Variants in COL4A3 observed in about 807,000 individuals in gnomAD.
The protein encoded by COL4A3 is collagen alpha-3(IV) chain.
In COL4A3, 135 loss-of-function variants were observed where a neutral mutation model predicts 217.4. The observed-to-expected ratio is 0.62, with a 90% CI of 0.54 to 0.72. The LOEUF is 0.72. COL4A3 is among the 30% of genes least tolerant of loss of function. The pLI, the probability that COL4A3 is intolerant of heterozygous loss-of-function variation, is 0.00. For synonymous variants in COL4A3, 690 were observed against 736.3 expected, an observed-to-expected ratio of 0.94 and a Z score of 1.02; for missense variants, 1,868 against 2,119.9, an observed-to-expected ratio of 0.88 and a Z score of 2.33.
chr2:227,168,988 C>G (rs2065377754), intron 1 of COL4A3, among the ~76,000 whole-genome samples: 1 of 151,200 alleles, frequency 6.6e-6, no homozygotes. Flanking sequence ...GTGCTGCACC[C>G]ATTAACTCGT....
chr2:227,299,748 G>A (rs1373399038), intron 43 of COL4A3, among the ~76,000 whole-genome samples: 1 of 152,152 alleles, frequency 6.6e-6, no homozygotes, highest in African/African-American at 2.4e-5. Flanking sequence ...CTTCAGAGTT[G>A]GAATGATTTG....
intron 1 of COL4A3, among the ~76,000 whole-genome samples, chr2:227,231,822 G>A (rs75202997): frequency 0.013 from 2,039 of 151,158 alleles, 51 homozygotes; most frequent in African/African-American, 0.046. Context: ...GTGAACCCTC[G>A]TGCCTGGCTG....
intron 16 of COL4A3, 75 bp downstream of exon 16, chr2:227,256,145 A>G (rs2070155119): frequency 1.4e-6 from 2 of 1,439,798 alleles, no homozygotes; most frequent in Admixed American, 1.7e-5. Context: ...TTTTAAAATC[A>G]CTAAATAGTT....
chr2:227,242,524 T>TG (rs2069088034), intron 3 of COL4A3, among the ~76,000 whole-genome samples: 1 of 152,202 alleles, frequency 6.6e-6, no homozygotes, highest in African/African-American at 2.4e-5. Context: ...AGGGTGCAGC[T>TG]GGAGCTCAAA....
intron 13 of COL4A3, 76 bp from the exon 14 acceptor site, chr2:227,254,036 A>C (rs2069976000): frequency 7.5e-7 from 1 of 1,329,994 alleles, no homozygotes; most frequent in Non-Finnish European, 1.1e-6. Flanking sequence ...GAACAGATAG[A>C]GGATTTGTCC....
intron 34 of COL4A3, among the ~76,000 whole-genome samples, chr2:227,286,560 C>A (rs935327589): frequency 6.6e-6 from 1 of 152,094 alleles, no homozygotes; most frequent in African/African-American, 2.4e-5. Context: ...ATTTTACATA[C>A]GGGGAAATAG....
At chr2:227,227,714 GTAAGAT>G (rs1553745659) in intron 1 of COL4A3, 1 of 152,062 alleles carries the variant, frequency 6.6e-6, no homozygotes, top group Non-Finnish European at 1.5e-5. Flanking sequence ...CAGAATTGTT[GTAAGAT>G]ATAATGAGAT....
rs2106267279 is a variant in COL4A3, at chr2:227,303,023, T to A, written c.3883-15T>A. On this transcript the variant is annotated splice_polypyrimidine_tract_variant and intron_variant, in intron 43 of 51. Coordinates refer to ENST00000396578, the MANE Select transcript of COL4A3 (RefSeq NM_000091.5). ...AAAATTTGTTTTGGTTCTGCTCCCT[T>A]TATTTGAAATATAGGGAGCACCAGG... 6.3e-7 allele frequency: 1 copy of A among 1,588,718 alleles called. No individual in the cohort carries two copies. The highest frequency in any genetic ancestry group is 8.6e-7 in the Non-Finnish European group (1 of 1,156,804).
Position 227,270,617 on chromosome 2 carries a change from A to T in COL4A3, c.1576-153A>T, listed in dbSNP as rs188186170. ...TTGGAAGTTAACAACAAAGCAAAACAAACAAAATGCTTGTAATAATAGTTG... is the reference window on the plus strand; with the variant it reads ...TTGGAAGTTAACAACAAAGCAAAACTAACAAAATGCTTGTAATAATAGTTG... On this transcript the variant is annotated intron_variant, in intron 24 of 51. Coordinates refer to ENST00000396578, the MANE Select transcript of COL4A3 (RefSeq NM_000091.5). 3.7e-3 allele frequency among the ~76,000 whole-genome samples: 563 copies of T among 152,378 alleles called. 4 individuals carry two copies. Among genetic ancestry groups the T allele is most frequent in the African/African-American group, 0.012 (518 of 41,588 alleles).
At chr2:227,260,959 T>C (rs1201572762) in intron 19 of COL4A3, 123 bp from the exon 20 acceptor site, 2 of 786,622 alleles carry the variant, frequency 2.5e-6, no homozygotes, top group African/African-American at 1.7e-5. Flanking sequence ...TAGGTGAGAG[T>C]AGGAAAAAAG....
Position 227,244,887 on chromosome 2 carries a change from T to G in COL4A3, c.280-64T>G, listed in dbSNP as rs768140097. ...TCGCAATGGTAAATAAATTTATGTT[T>G]ATAGATTGAACATTTTTAAAGTTTT... On this transcript the variant is annotated intron_variant, in intron 4 of 51. Coordinates refer to ENST00000396578, the MANE Select transcript of COL4A3 (RefSeq NM_000091.5). 3 of 1,481,012 alleles carry G rather than the reference T, an allele frequency of 2.0e-6. No homozygotes were observed. In the South Asian group the frequency reaches 3.4e-5, roughly 17 times the overall value. 91.7% of individuals were successfully genotyped at this position (1,481,012 alleles called of 1,614,324 possible).
At chr2:227,241,133 T>C (rs925488789) in intron 3 of COL4A3, among the ~76,000 whole-genome samples, 1 of 152,212 alleles carries the variant, frequency 6.6e-6, no homozygotes, top group African/African-American at 2.4e-5. Context: ...AAGTCTGTGA[T>C]ACAGCAAAGG....
intron 3 of COL4A3, among the ~76,000 whole-genome samples, chr2:227,241,208 G>C (rs2068999235): frequency 6.6e-6 from 1 of 152,140 alleles, no homozygotes; most frequent in Non-Finnish European, 1.5e-5. Context: ...GATTTGCTGA[G>C]TACTCTTTCC....
chr2:227,314,380 T>C lies in COL4A3; in HGVS notation c.*2510T>C, dbSNP rs2073836178. 1 of 152,672 alleles carries C rather than the reference T, an allele frequency of 6.5e-6. No homozygotes were observed. The highest frequency in any genetic ancestry group is 2.4e-5 in the African/African-American group (1 of 41,464). The allele number at this position is 152,672 out of a possible 1,614,324, so 9.5% of individuals were successfully genotyped here. On this transcript the variant is annotated 3_prime_UTR_variant, in exon 52 of 52. Coordinates refer to ENST00000396578, the MANE Select transcript of COL4A3 (RefSeq NM_000091.5). ...TTTTCCAGATAACTTAGCTTATGAG[T>C]AGCTTATACAATTATGAAGATTTAA...
At chr2:227,262,761 A>C (rs2070667656) in intron 20 of COL4A3, among the ~76,000 whole-genome samples, 1 of 152,130 alleles carries the variant, frequency 6.6e-6, no homozygotes, top group African/African-American at 2.4e-5. Context: ...ATTTTACTGA[A>C]TTTGTTTATC....
intron 6 of COL4A3, chr2:227,246,365 G>A (rs1000265228): frequency 1.4e-5 from 7 of 500,344 alleles, no homozygotes; most frequent in African/African-American, 5.8e-5. Flanking sequence ...TTTTGTTTTC[G>A]AACTGAGCTC....
chr2:227,302,166 C>A (rs1343983990), intron 43 of COL4A3, among the ~76,000 whole-genome samples: 1 of 152,124 alleles, frequency 6.6e-6, no homozygotes, highest in East Asian at 1.9e-4. Flanking sequence ...GAAGAGAGCA[C>A]CTCGTTCCTG....
intron 37 of COL4A3, among the ~76,000 whole-genome samples, chr2:227,292,048 A>G (rs1314186312): frequency 6.6e-6 from 1 of 152,208 alleles, no homozygotes; most frequent in Non-Finnish European, 1.5e-5. Context: ...CTAAATGCAA[A>G]ATGTTTGAAA....
At chr2:227,281,489 A>T (rs753257999) in intron 31 of COL4A3, among the ~76,000 whole-genome samples, 1 of 152,226 alleles carries the variant, frequency 6.6e-6, no homozygotes, top group Non-Finnish European at 1.5e-5. Flanking sequence ...ATAAATCTAA[A>T]TGATGCAGGC....
Sources: allele counts gnomAD v4.1 joint callset (sites outside exome capture counted in the v4.1 genomes callset), GRCh38; gene constraint gnomAD v4.1.1; transcripts MANE v1.5; gene names NCBI Gene and HGNC (gene_info 2026-07-23, HGNC 2026-07-21).